C2orf66: variants seen among roughly 807,000 people sequenced by gnomAD.
C2orf66 encodes chromosome 2 open reading frame 66.
In C2orf66, 6 loss-of-function variants were observed where a neutral mutation model predicts 7.0. That is an observed-to-expected ratio of 0.86 (90% CI 0.47 to 1.69). C2orf66 has a LOEUF of 1.69. Ranked by LOEUF, C2orf66 falls within the 40% of genes most tolerant of loss-of-function variation. The probability of loss-of-function intolerance (pLI) is 0.01; values close to 1 mark genes in which losing one functional copy is unlikely to be tolerated. For missense variants in C2orf66, 107 were observed against 112.0 expected (o/e 0.96, Z 0.20); for synonymous variants, 38 against 43.8 (o/e 0.87, Z 0.52).
At chr2:196,808,179 A>G (rs1699837027) in intron 1 of C2orf66, among the ~76,000 whole-genome samples, 1 of 152,188 alleles carries the variant, frequency 6.6e-6, no homozygotes, top group Non-Finnish European at 1.5e-5. Context: ...CTTTTATTGA[A>G]AGGTACTGCT....
chr2:196,825,806 C>T, the C2orf66 span, among the ~76,000 whole-genome samples: 7 of 152,176 alleles, frequency 4.6e-5, no homozygotes, highest in Admixed American at 4.6e-4. Context: ...ACACATTCAG[C>T]CTTTATCACA....
At chr2:196,821,928 C>CTTTTTTTTTTTGTTTTTTTTTTTTT in the C2orf66 span, among the ~76,000 whole-genome samples, 1 of 32,252 alleles carries the variant, frequency 3.1e-5, no homozygotes, top group African/African-American at 1.2e-4. Flanking sequence ...AACCAGTGAG[C>CTTTTTTTTTTTGTTTTTTTTTTTTT]TTTTTTTTTT....
upstream of C2orf66, chr2:196,809,381 T>A (rs1209652744): frequency 2.5e-6 from 4 of 1,610,900 alleles, no homozygotes; most frequent in Non-Finnish European, 3.4e-6. Flanking sequence ...GAGCTGTCAA[T>A]GATCATTGAG....
the C2orf66 span, among the ~76,000 whole-genome samples, chr2:196,827,781 G>T: frequency 6.6e-6 from 1 of 152,246 alleles, no homozygotes; most frequent in African/African-American, 2.4e-5. Context: ...CATGGTGATT[G>T]TCTTTTGTGT....
At chr2:196,829,379 A>G in the C2orf66 span, among the ~76,000 whole-genome samples, 1 of 152,158 alleles carries the variant, frequency 6.6e-6, no homozygotes, top group Non-Finnish European at 1.5e-5. Context: ...ACCTGAGGTC[A>G]GGAGTTTGAG....
the C2orf66 span, among the ~76,000 whole-genome samples, chr2:196,825,343 A>C: frequency 2.0e-5 from 3 of 152,218 alleles, no homozygotes; most frequent in Non-Finnish European, 2.9e-5. Flanking sequence ...GGAAAATGCA[A>C]ATCAAAACCA....
chr2:196,828,719 T>C, the C2orf66 span, among the ~76,000 whole-genome samples: 1 of 152,176 alleles, frequency 6.6e-6, no homozygotes, highest in South Asian at 2.1e-4. Flanking sequence ...GATTCAAATG[T>C]GAAACTCTCT....
the C2orf66 span, among the ~76,000 whole-genome samples, chr2:196,826,148 A>T: frequency 6.6e-6 from 1 of 152,190 alleles, no homozygotes; most frequent in East Asian, 1.9e-4. Context: ...AGGAATTGAA[A>T]ATTATAATTT....
chr2:196,828,230 T>TCTCTCACA, the C2orf66 span, among the ~76,000 whole-genome samples: 1 of 125,064 alleles, frequency 8.0e-6, no homozygotes, highest in African/African-American at 3.0e-5. Context: ...TCTCTCTCTC[T>TCTCTCACA]CACACACACA....
the C2orf66 span, among the ~76,000 whole-genome samples, chr2:196,822,155 T>C: frequency 6.6e-6 from 1 of 151,836 alleles, no homozygotes; most frequent in South Asian, 2.1e-4. Context: ...CCTCAAAATC[T>C]GCCCGCCTTG....
upstream of C2orf66, chr2:196,810,295 A>G (rs1699862266): frequency 6.6e-6 from 1 of 152,186 alleles, no homozygotes; most frequent in African/African-American, 2.4e-5. Context: ...TATCCCACCT[A>G]TTAGAACGTT....
chr2:196,824,255 T>C, the C2orf66 span, among the ~76,000 whole-genome samples: 5 of 152,134 alleles, frequency 3.3e-5, no homozygotes, highest in African/African-American at 1.2e-4. Context: ...TAATCCTCTT[T>C]GTAAGGGTTT....
upstream of C2orf66, chr2:196,809,547 G>A (rs1245587410): frequency 3.5e-6 from 2 of 573,274 alleles, no homozygotes; most frequent in Non-Finnish European, 6.1e-6. Flanking sequence ...TTAGCTTAAA[G>A]TAGCCCATGA....
chr2:196,808,007 A>C (rs549436976), intron 1 of C2orf66, among the ~76,000 whole-genome samples: 154 of 152,346 alleles, frequency 1.0e-3, no homozygotes, highest in African/African-American at 3.4e-3. Flanking sequence ...CTTCTGCAAT[A>C]GTTTCTTTTC....
At chr2:196,816,683 C>A in the C2orf66 span, among the ~76,000 whole-genome samples, 2 of 151,912 alleles carry the variant, frequency 1.3e-5, no homozygotes, top group African/African-American at 4.8e-5. Flanking sequence ...ATGTGTACCC[C>A]CCGAATCTAA....
chr2:196,819,951 C>T, the C2orf66 span, among the ~76,000 whole-genome samples: 3 of 152,114 alleles, frequency 2.0e-5, no homozygotes, highest in African/African-American at 7.2e-5. Flanking sequence ...TTTGATCTAT[C>T]TCTTGCACAC....
At chr2:196,813,238 C>A (rs376035738), upstream of C2orf66, among the ~76,000 whole-genome samples, 15 of 152,108 alleles carry the variant, frequency 9.9e-5, no homozygotes, top group East Asian at 9.6e-4. Context: ...ATATATAGAC[C>A]AATGGAACAG....
At chr2:196,817,495 A>G in the C2orf66 span, among the ~76,000 whole-genome samples, 1 of 152,218 alleles carries the variant, frequency 6.6e-6, no homozygotes, top group East Asian at 1.9e-4. Flanking sequence ...TTGGCCTCCC[A>G]AAGTGCTGGG....
In C2orf66 at chr2:196,809,331, G is replaced by C. The variant is rs750943516; in HGVS notation, c.6C>G (p.Thr2=). ...CACATAGTAGCAGGAGAGGTGCTCT[G>C]GTCATGGTGGAGTGAAGCTGAGTGA... M[T]RAPLLLLCVA... Residue 2 remains threonine (T), a synonymous_variant, in exon 1 of 3, where the codon ACC becomes ACG. Transcript: ENST00000342506. 2.9e-5 allele frequency: 46 copies of C among 1,613,844 alleles called. No homozygotes were observed. Among genetic ancestry groups the C allele is most frequent in the Non-Finnish European group, 3.7e-5 (44 of 1,179,886 alleles).
Sources: allele counts gnomAD v4.1 joint callset (sites outside exome capture counted in the v4.1 genomes callset), GRCh38; gene constraint gnomAD v4.1.1; transcripts MANE v1.5; gene names NCBI Gene and HGNC (gene_info 2026-07-23, HGNC 2026-07-21).